Variants in METTL22 observed in about 807,000 individuals in gnomAD.
METTL22 encodes methyltransferase-like protein 22.
In METTL22, 51 loss-of-function variants were observed where a neutral mutation model predicts 48.4. That is an observed-to-expected ratio of 1.05 (90% CI 0.84 to 1.33). The LOEUF (loss-of-function observed/expected upper bound fraction) is 1.33. Among genes scored for constraint, METTL22 ranks in the 40% most tolerant of loss-of-function variants. The probability of loss-of-function intolerance (pLI) is 0.00; values close to 1 mark genes in which losing one functional copy is unlikely to be tolerated. For missense variants in METTL22, 678 were observed against 526.9 expected (o/e 1.29, Z -2.81); for synonymous variants, 255 against 214.1 (o/e 1.19, Z -1.67).
chr16:8,661,142 C>G, the METTL22 span, among the ~76,000 whole-genome samples: 3 of 152,086 alleles, frequency 2.0e-5, no homozygotes, highest in Admixed American at 6.5e-5. Flanking sequence ...CAAGGTGGTG[C>G]CCCAGCCTCA....
intron 2 of METTL22, among the ~76,000 whole-genome samples, chr16:8,627,576 G>A (rs2056103883): frequency 6.6e-6 from 1 of 152,094 alleles, no homozygotes; most frequent in Non-Finnish European, 1.5e-5. Flanking sequence ...ATTATACCAG[G>A]GGTATACAAA....
At chr16:8,662,362 G>C in the METTL22 span, among the ~76,000 whole-genome samples, 3 of 145,500 alleles carry the variant, frequency 2.1e-5, no homozygotes, top group Admixed American at 2.1e-4. Flanking sequence ...TTTGTCTGAA[G>C]GAATCCAGGA....
the METTL22 span, among the ~76,000 whole-genome samples, chr16:8,664,157 G>A: frequency 3.3e-5 from 5 of 151,314 alleles, no homozygotes; most frequent in South Asian, 2.1e-4. Context: ...GCGTGATGTC[G>A]GCTCACTGCA....
downstream of METTL22, among the ~76,000 whole-genome samples, chr16:8,649,908 C>T (rs1039270400): frequency 3.3e-5 from 5 of 152,170 alleles, no homozygotes; most frequent in African/African-American, 1.2e-4. Context: ...AATACAGATT[C>T]TGACTCAGGC....
downstream of METTL22, among the ~76,000 whole-genome samples, chr16:8,650,063 T>TA (rs755590713): frequency 3.4e-4 from 52 of 152,182 alleles, no homozygotes; most frequent in Non-Finnish European, 6.5e-4. Flanking sequence ...TGGTGGCTCA[T>TA]ACCTGTGATC....
the METTL22 span, among the ~76,000 whole-genome samples, chr16:8,664,276 C>T: frequency 6.6e-6 from 1 of 152,078 alleles, no homozygotes; most frequent in East Asian, 1.9e-4. Flanking sequence ...TTTGCAAGTT[C>T]ACCTGTCTGT....
At chr16:8,642,442 T>C (rs1421525687) in intron 8 of METTL22, 21 bp from the exon 9 acceptor site, 1 of 1,610,152 alleles carries the variant, frequency 6.2e-7, no homozygotes. Flanking sequence ...CCTCTAATGC[T>C]GGCCTTTTTG....
the METTL22 span, among the ~76,000 whole-genome samples, chr16:8,660,262 C>T: frequency 3.9e-5 from 6 of 152,034 alleles, no homozygotes; most frequent in Non-Finnish European, 7.4e-5. Flanking sequence ...CTGCAGCCTC[C>T]GCCCTCTGGA....
At chr16:8,644,913 G>C in intron 10 of METTL22, 188 bp downstream of exon 10, 1 of 551,686 alleles carries the variant, frequency 1.8e-6, no homozygotes, top group Non-Finnish European at 3.0e-6. Flanking sequence ...GTTCTTAGCA[G>C]CCACCATGTC....
Position 8,646,172 on chromosome 16 carries a change from C to G in METTL22, c.*29C>G, listed in dbSNP as rs971792236. 6.2e-7 allele frequency: 1 copy of G among 1,613,484 alleles called. No homozygotes were observed. The highest frequency in any genetic ancestry group is 1.7e-5 in the Admixed American group (1 of 60,016). ...ATCGCCTCCACAAGGCGCGGCGTCT[C>G]GACTGTTCTTAGAGTGTATTTCTAG... On this transcript the variant is annotated 3_prime_UTR_variant, in exon 11 of 11. Coordinates refer to ENST00000381920, the MANE Select transcript of METTL22 (RefSeq NM_024109.4).
intron 6 of METTL22, among the ~76,000 whole-genome samples, 158 bp from the exon 7 acceptor site, chr16:8,640,973 G>GCTGGCTGGCTGGCTGGCTGTCTGGCTGT (rs2056595829): frequency 7.5e-5 from 3 of 40,238 alleles, no homozygotes; most frequent in African/African-American, 8.5e-5. Context: ...TGGCTGGCTG[G>GCTGGCTGGCTGGCTGGCTGTCTGGCTGT]CTGGCTGGCT....
At position 8,649,493 on chromosome 16, in the gene METTL22, A is replaced by G. The variant is rs1246866216; in HGVS notation, c.*3350A>G. ...TCAGCTGCAGCCTGCATGGGAAAGA[A>G]CTGTTAAAACCAACAAAGCCAGGCA... On this transcript the variant is annotated 3_prime_UTR_variant, in exon 11 of 11. Coordinates refer to ENST00000381920, the MANE Select transcript of METTL22 (RefSeq NM_024109.4). 2 of 152,174 alleles carry G rather than the reference A, an allele frequency of 1.3e-5. No homozygotes were observed. The highest frequency in any genetic ancestry group is 4.8e-5 in the African/African-American group (2 of 41,444). 9.4% of individuals were successfully genotyped at this position (152,174 alleles called of 1,614,324 possible).
downstream of METTL22, among the ~76,000 whole-genome samples, chr16:8,654,062 T>C (rs912029500): frequency 6.6e-6 from 1 of 152,160 alleles, no homozygotes; most frequent in Non-Finnish European, 1.5e-5. Flanking sequence ...ATGGGAGATC[T>C]CAGAGGATCG....
chr16:8,646,335 C>T lies in METTL22; in HGVS notation c.*192C>T, dbSNP rs1393498149. On this transcript the variant is annotated 3_prime_UTR_variant, in exon 11 of 11. Transcript: ENST00000381920. Reference sequence around the variant, plus strand: ...CAGTTGTAGCCAGAGAAGGTTGTTGCTGTGGGCTGGAGGTCACTTTAGTTG... The same window carrying T: ...CAGTTGTAGCCAGAGAAGGTTGTTGTTGTGGGCTGGAGGTCACTTTAGTTG... 1.2e-5 allele frequency: 9 copies of T among 771,856 alleles called. No homozygotes were observed. Among genetic ancestry groups the T allele is most frequent in the Non-Finnish European group, 1.8e-5 (8 of 448,502 alleles). The allele number at this position is 771,856 out of a possible 1,614,324, so 47.8% of individuals were successfully genotyped here.
intron 9 of METTL22, chr16:8,642,898 T>G: frequency 3.3e-6 from 1 of 302,436 alleles, no homozygotes; most frequent in Non-Finnish European, 6.3e-6. Context: ...CAGCACACAC[T>G]GTTGAGAGCT....
the METTL22 span, among the ~76,000 whole-genome samples, chr16:8,661,979 C>G: frequency 6.9e-6 from 1 of 145,212 alleles, no homozygotes; most frequent in African/African-American, 2.6e-5. Context: ...CATGGTGGCT[C>G]ACGCCTATAA....
intron 9 of METTL22, chr16:8,644,340 T>C: frequency 2.3e-6 from 1 of 434,766 alleles, no homozygotes; most frequent in Non-Finnish European, 4.2e-6. Context: ...TGAGCCTGTT[T>C]CCACATCTGT....
Position 8,629,098 on chromosome 16 carries a change from A to G in METTL22, c.502A>G (p.Ile168Val), listed in dbSNP as rs767535258. The G allele has an allele frequency of 9.9e-6, 16 of 1,612,708 alleles. No individual in the cohort carries two copies. In the South Asian group the frequency reaches 1.6e-4, roughly 17 times the overall value. ...GEEAQGSPHD[I>V]IRIEHTMATP... Reference sequence around the variant, plus strand: ...GGAAGCACAAGGCAGCCCGCACGATATCATCAGAATAGGTAAATAGAGGTG... The same window carrying G: ...GGAAGCACAAGGCAGCCCGCACGATGTCATCAGAATAGGTAAATAGAGGTG... The change falls in exon 3 of 11, where the codon ATC (isoleucine) becomes GTC (valine). Residue 168 changes from isoleucine to valine, a missense_variant. By Grantham distance (29) the Ile-to-Val change is conservative. Coordinates refer to ENST00000381920, the MANE Select transcript of METTL22 (RefSeq NM_024109.4).
the METTL22 span, among the ~76,000 whole-genome samples, chr16:8,666,543 C>T: frequency 5.3e-5 from 8 of 152,206 alleles, no homozygotes; most frequent in South Asian, 8.3e-4. Context: ...CTGCCTGCTA[C>T]GTGCTCTAAG....
Sources: gnomAD v4.1 joint callset for allele counts (sites outside exome capture counted in the v4.1 genomes callset) on GRCh38, gnomAD v4.1.1 for gene constraint, MANE v1.5 for transcripts, NCBI Gene and HGNC (gene_info 2026-07-23, HGNC 2026-07-21) for gene names.